The following FAM124A variants were observed in gnomAD, a reference collection of about 807,000 sequenced individuals.
The protein encoded by FAM124A is family with sequence similarity 124 member A.
In FAM124A, 23 loss-of-function variants were observed where a neutral mutation model predicts 24.5. That is an observed-to-expected ratio of 0.94 (90% CI 0.68 to 1.33). The LOEUF (loss-of-function observed/expected upper bound fraction) is 1.33, where lower values mean the gene tolerates loss of function less well. Ranked by LOEUF, FAM124A falls within the 40% of genes most tolerant of loss-of-function variation. The pLI, the probability that FAM124A is intolerant of heterozygous loss-of-function variation, is 0.00. For synonymous variants in FAM124A, 287 were observed against 314.7 expected (o/e 0.91, Z 0.93); for missense variants, 623 against 722.8 (o/e 0.86, Z 1.58).
chr13:51,241,609 G>A (rs906609298), intron 2 of FAM124A, among the ~76,000 whole-genome samples: 1 of 152,146 alleles, frequency 6.6e-6, no homozygotes, highest in African/African-American at 2.4e-5. Context: ...TTCTAGTCAT[G>A]TCCAGTAAGT....
At chr13:51,271,519 G>A (rs1450488660) in intron 3 of FAM124A, among the ~76,000 whole-genome samples, 2 of 152,174 alleles carry the variant, frequency 1.3e-5, no homozygotes, top group Non-Finnish European at 2.9e-5. Context: ...TTGTCCGGCT[G>A]CACATTAATT....
intron 3 of FAM124A, among the ~76,000 whole-genome samples, chr13:51,267,750 T>A (rs1330854802): frequency 6.6e-6 from 1 of 152,186 alleles, no homozygotes; most frequent in African/African-American, 2.4e-5. Context: ...GCCCTTCTAC[T>A]AATATTCAGC....
intron 2 of FAM124A, among the ~76,000 whole-genome samples, chr13:51,244,745 C>T (rs1359156472): frequency 6.6e-6 from 1 of 152,148 alleles, no homozygotes; most frequent in Non-Finnish European, 1.5e-5. Flanking sequence ...CTGGCGCAAG[C>T]AGCATTGAGG....
chr13:51,226,920 C>T (rs1285820026), intron 1 of FAM124A, among the ~76,000 whole-genome samples: 1 of 152,062 alleles, frequency 6.6e-6, no homozygotes, highest in Non-Finnish European at 1.5e-5. Context: ...AGAGGGATGA[C>T]GATAGTAGTA....
intron 3 of FAM124A, among the ~76,000 whole-genome samples, chr13:51,265,360 G>T (rs1954775410): frequency 6.6e-6 from 1 of 151,336 alleles, no homozygotes; most frequent in Non-Finnish European, 1.5e-5. Context: ...AGGGCCAGGT[G>T]AAGCTGAAAA....
intron 3 of FAM124A, among the ~76,000 whole-genome samples, chr13:51,259,721 A>G (rs1954714269): frequency 6.6e-6 from 1 of 152,304 alleles, no homozygotes; most frequent in Non-Finnish European, 1.5e-5. Flanking sequence ...GTAAGCTGCC[A>G]GCGCACGGCA....
In FAM124A at chr13:51,276,786, CT is replaced by C. The variant is rs371163503; in HGVS notation, c.835-3663del. Reference sequence around the variant, plus strand: ...GACAGCCCCAAATTTGTATTAGTCCCTGTGTTAAAATGGCCATCACGGGCTC... The same window carrying C: ...GACAGCCCCAAATTTGTATTAGTCCCGTGTTAAAATGGCCATCACGGGCTC... On this transcript the variant is annotated intron_variant, in intron 3 of 3. Coordinates refer to ENST00000322475, the MANE Select transcript of FAM124A (RefSeq NM_001242312.2). Among the ~76,000 whole-genome samples, 581 of 152,316 alleles carry C rather than the reference CT, an allele frequency of 3.8e-3. 21 individuals carry two copies. In the East Asian group the frequency reaches 0.073, roughly 19 times the overall value.
chr13:51,256,284 A>G (rs1954673436), intron 3 of FAM124A, among the ~76,000 whole-genome samples: 1 of 152,214 alleles, frequency 6.6e-6, no homozygotes, highest in South Asian at 2.1e-4. Flanking sequence ...TCAGAGTGGC[A>G]AGATAATTTA....
chr13:51,264,263 G>C (rs971866829), intron 3 of FAM124A, among the ~76,000 whole-genome samples: 4 of 152,162 alleles, frequency 2.6e-5, no homozygotes, highest in African/African-American at 7.2e-5. Flanking sequence ...GCAGCCACTT[G>C]GGTTGACCCC....
chr13:51,267,390 C>T (rs1954799103), intron 3 of FAM124A, among the ~76,000 whole-genome samples: 3 of 152,016 alleles, frequency 2.0e-5, no homozygotes, highest in African/African-American at 7.3e-5. Flanking sequence ...TATTGCTTAT[C>T]TGAAATACTT....
In FAM124A at chr13:51,282,446, T is replaced by C. The variant is rs1189664306; in HGVS notation, c.*1190T>C. 6.6e-6 allele frequency: 1 copy of C among 152,242 alleles called. No individual in the cohort carries two copies. Among genetic ancestry groups the C allele is most frequent in the Non-Finnish European group, 1.5e-5 (1 of 68,052 alleles). The allele number at this position is 152,242 out of a possible 1,614,324, so 9.4% of individuals were successfully genotyped here. The stretch of plus-strand genomic sequence containing the variant: ...TTATCTGCTACTGTCACACCGTGAA[T>C]GGTATTTGAATCTCACCTCCCTCTC... On this transcript the variant is annotated 3_prime_UTR_variant, in exon 4 of 4. Coordinates refer to ENST00000322475, the MANE Select transcript of FAM124A (RefSeq NM_001242312.2).
intron 2 of FAM124A, among the ~76,000 whole-genome samples, chr13:51,250,373 T>C (rs1180815983): frequency 6.6e-6 from 1 of 152,188 alleles, no homozygotes; most frequent in Non-Finnish European, 1.5e-5. Context: ...ACAATTGGCC[T>C]AAAGATGTCT....
At chr13:51,228,461 C>T (rs1333641151) in intron 1 of FAM124A, among the ~76,000 whole-genome samples, 6 of 152,232 alleles carry the variant, frequency 3.9e-5, no homozygotes, top group East Asian at 1.9e-4. Flanking sequence ...TGCTCTATAT[C>T]GTGTATAAAT....
intron 2 of FAM124A, among the ~76,000 whole-genome samples, chr13:51,249,967 G>C (rs1382066408): frequency 2.0e-5 from 3 of 152,132 alleles, no homozygotes; most frequent in Non-Finnish European, 4.4e-5. Context: ...CAGCTTCTTT[G>C]TGTCCCCAGT....
At chr13:51,223,273 T>C (rs578245350) in intron 1 of FAM124A, among the ~76,000 whole-genome samples, 1 of 151,992 alleles carries the variant, frequency 6.6e-6, no homozygotes, top group South Asian at 2.1e-4. Context: ...AATTAGTTAG[T>C]CTCCAAACAC....
intron 3 of FAM124A, among the ~76,000 whole-genome samples, chr13:51,278,930 CCTT>C (rs1265371567): frequency 6.6e-6 from 1 of 152,206 alleles, no homozygotes; most frequent in Non-Finnish European, 1.5e-5. Context: ...GGAACCTTGA[CCTT>C]CTGCTCCTCA....
chr13:51,240,676 A>G (rs1954481002), intron 2 of FAM124A, among the ~76,000 whole-genome samples: 1 of 152,234 alleles, frequency 6.6e-6, no homozygotes. Context: ...GAGAACTCCT[A>G]TAAGAAGCTC....
intron 3 of FAM124A, among the ~76,000 whole-genome samples, chr13:51,273,202 C>G (rs1954854657): frequency 6.6e-6 from 1 of 152,150 alleles, no homozygotes; most frequent in Non-Finnish European, 1.5e-5. Flanking sequence ...CTCTCCTCCA[C>G]CAGGGGACAT....
chr13:51,244,373 G>C (rs1954533623), intron 2 of FAM124A, among the ~76,000 whole-genome samples: 1 of 152,168 alleles, frequency 6.6e-6, no homozygotes, highest in African/African-American at 2.4e-5. Context: ...ATTCACCACT[G>C]TATCCTCTAG....
Sources: allele counts gnomAD v4.1 joint callset (sites outside exome capture counted in the v4.1 genomes callset), GRCh38; gene constraint gnomAD v4.1.1; transcripts MANE v1.5; gene names NCBI Gene and HGNC (gene_info 2026-07-23, HGNC 2026-07-21).